The following CDH18 variants were observed in gnomAD, a reference collection of about 807,000 sequenced individuals.
CDH18 encodes the protein cadherin-18.
CDH18 carries 31 observed loss-of-function variants against 67.9 expected under a neutral mutation model. The ratio of observed to expected loss-of-function variants is 0.46; its 90% CI spans 0.34 to 0.62. The LOEUF (loss-of-function observed/expected upper bound fraction) is 0.62, where lower values mean the gene tolerates loss of function less well. Ranked by LOEUF, CDH18 falls within the 20% of genes least tolerant of loss-of-function variation. The pLI is 0.01. For missense variants in CDH18, 890 were observed against 975.5 expected, an observed-to-expected ratio of 0.91 and a Z score of 1.17; for synonymous variants, 362 against 347.2, an observed-to-expected ratio of 1.04 and a Z score of -0.48.
rs543703342 is a variant in CDH18, at chr5:19,837,414, T to A, written c.228+1345A>T. On this transcript the variant is annotated intron_variant, in intron 3 of 12. Coordinates refer to ENST00000382275, the MANE Select transcript of CDH18 (RefSeq NM_004934.5). The stretch of plus-strand genomic sequence containing the variant: ...CCAGAACTTAAAGGTATAATTTTTT[T>A]AAAAAAAAAAGGATTTTGAAGTTCA... 1.5e-3 allele frequency among the ~76,000 whole-genome samples: 229 copies of A among 148,596 alleles called. 1 individual carries two copies. Among genetic ancestry groups the A allele is most frequent in the Middle Eastern group, 0.011 (3 of 284 alleles).
intron 1 of CDH18, among the ~76,000 whole-genome samples, chr5:20,431,212 C>T (rs563854658): frequency 6.1e-4 from 93 of 152,088 alleles, no homozygotes; most frequent in African/African-American, 2.0e-3. Context: ...CCTCAGATGC[C>T]GGGTGCAGTA....
At chr5:19,969,333 C>T (rs1366403154) in intron 2 of CDH18, among the ~76,000 whole-genome samples, 6 of 142,862 alleles carry the variant, frequency 4.2e-5, no homozygotes, top group African/African-American at 1.5e-4. Context: ...ACCCAGCCAT[C>T]CCATTACTGG....
intron 4 of CDH18, 33 bp from the exon 5 acceptor site, chr5:19,721,499 G>T (rs781196818): frequency 6.3e-7 from 1 of 1,591,740 alleles, no homozygotes; most frequent in Non-Finnish European, 8.6e-7. Flanking sequence ...TTTAGTGTGT[G>T]ATGGCATTTA....
At position 20,078,419 on chromosome 5, in the gene CDH18, C is replaced by T. The variant is rs143310012; in HGVS notation, c.-517-86405G>A. 5.9e-3 allele frequency among the ~76,000 whole-genome samples: 897 copies of T among 151,910 alleles called. 17 individuals carry two copies. Among genetic ancestry groups the T allele is most frequent in the African/African-American group, 0.019 (805 of 41,462 alleles). On this transcript the variant is annotated intron_variant, in intron 2 of 14. Transcript: ENST00000507958. ...TAAAGGTTGCAGTAAGCCGAGATCA[C>T]GCCATTGCACTCCAGCCTGGGTGAC...
intron 1 of CDH18, among the ~76,000 whole-genome samples, chr5:20,326,242 A>G (rs896517778): frequency 2.6e-5 from 4 of 152,336 alleles, no homozygotes; most frequent in South Asian, 2.1e-4. Context: ...AAGTATACCA[A>G]TGACTCTAAT....
chr5:20,099,677 T>A (rs1322643918), intron 2 of CDH18, among the ~76,000 whole-genome samples: 7 of 152,156 alleles, frequency 4.6e-5, no homozygotes, highest in Non-Finnish European at 1.0e-4. Flanking sequence ...ACATATCAAA[T>A]AACAGGAATA....
At chr5:19,540,201 A>T (rs1750035517) in intron 9 of CDH18, among the ~76,000 whole-genome samples, 1 of 152,114 alleles carries the variant, frequency 6.6e-6, no homozygotes. Context: ...CAGGGCAGTC[A>T]AATCTTAAAG....
intron 5 of CDH18, among the ~76,000 whole-genome samples, chr5:19,704,332 T>C (rs1414283835): frequency 6.6e-6 from 1 of 152,160 alleles, no homozygotes; most frequent in Non-Finnish European, 1.5e-5. Context: ...TATATCAAAG[T>C]AGTTATATTT....
intron 2 of CDH18, among the ~76,000 whole-genome samples, chr5:20,195,990 T>C (rs1355464108): frequency 6.6e-6 from 1 of 152,140 alleles, no homozygotes. Flanking sequence ...CCTTCTACAA[T>C]ACCTGCTTTA....
chr5:19,935,846 ATG>A (rs767137896), intron 2 of CDH18, among the ~76,000 whole-genome samples: 17 of 141,098 alleles, frequency 1.2e-4, no homozygotes, highest in Non-Finnish European at 2.6e-4. Flanking sequence ...CTCTGTCCCA[ATG>A]TCTTCTCAAT....
At chr5:20,242,994 A>C (rs1054391363) in intron 2 of CDH18, among the ~76,000 whole-genome samples, 25 of 152,144 alleles carry the variant, frequency 1.6e-4, no homozygotes, top group African/African-American at 6.0e-4. Context: ...AATGGTTCAA[A>C]TACAATTCAT....
Position 19,750,445 on chromosome 5 carries a change from C to T in CDH18, c.229-3209G>A, listed in dbSNP as rs1017979548. Among the ~76,000 whole-genome samples, 6 of 151,928 alleles carry T rather than the reference C, an allele frequency of 3.9e-5. No individual in the cohort carries two copies. The East Asian group carries it at 5.8e-4, about 15-fold the overall frequency. ...AATAGGTGAATAATAAGGGTAGTTG[C>T]AGACACAGAAAACTTGACAAATGGA... On this transcript the variant is annotated intron_variant, in intron 3 of 12. Transcript: ENST00000382275.
At chr5:19,519,180 ATGTATTATGTC>A (rs1290975378) in intron 10 of CDH18, among the ~76,000 whole-genome samples, 1 of 152,142 alleles carries the variant, frequency 6.6e-6, no homozygotes, top group East Asian at 1.9e-4. Flanking sequence ...GCCCTTTTAA[ATGTATTATGTC>A]TAGAGTTTTT....
chr5:20,383,074 CT>C (rs1243639661), intron 1 of CDH18, among the ~76,000 whole-genome samples: 2 of 152,050 alleles, frequency 1.3e-5, no homozygotes, highest in Non-Finnish European at 2.9e-5. Flanking sequence ...TAAAAAAACT[CT>C]TGTTAAATGC....
intron 2 of CDH18, among the ~76,000 whole-genome samples, chr5:20,018,699 T>A (rs1738111614): frequency 6.6e-6 from 1 of 152,136 alleles, no homozygotes; most frequent in African/African-American, 2.4e-5. Context: ...TTGTTTCCTA[T>A]GGAATAAAAA....
chr5:19,946,321 G>T (rs1481645603), intron 2 of CDH18, among the ~76,000 whole-genome samples: 1 of 152,030 alleles, frequency 6.6e-6, no homozygotes, highest in African/African-American at 2.4e-5. Flanking sequence ...AAGATAATTT[G>T]CTCTCAGTAG....
At chr5:19,926,075 G>A (rs763640037) in intron 2 of CDH18, among the ~76,000 whole-genome samples, 11 of 151,852 alleles carry the variant, frequency 7.2e-5, no homozygotes, top group African/African-American at 1.9e-4. Context: ...TCTAAGCTAC[G>A]TGGTTCACCT....
intron 7 of CDH18, among the ~76,000 whole-genome samples, chr5:19,576,604 G>C (rs549688624): frequency 6.6e-6 from 1 of 152,102 alleles, no homozygotes; most frequent in East Asian, 1.9e-4. Context: ...ACAAGTATTG[G>C]CAAGGATGTG....
At position 20,472,973 on chromosome 5, in the gene CDH18, G is replaced by A. The variant is rs115648560; in HGVS notation, c.-580+102489C>T. ...TGGTTGAATAGTTGATATATTTTAAGCATCATAAGCAGTACATTACTTTAT... is the reference window on the plus strand; with the variant it reads ...TGGTTGAATAGTTGATATATTTTAAACATCATAAGCAGTACATTACTTTAT... On this transcript the variant is annotated intron_variant, in intron 1 of 14. Coordinates refer to the CDH18 transcript ENST00000507958. Among the ~76,000 whole-genome samples the A allele has an allele frequency of 2.5e-3, 377 of 152,192 alleles. 1 individual carries two copies. The highest frequency in any genetic ancestry group is 8.9e-3 in the African/African-American group (368 of 41,526).
Sources: gnomAD v4.1 joint callset for allele counts (sites outside exome capture counted in the v4.1 genomes callset) on GRCh38, gnomAD v4.1.1 for gene constraint, MANE v1.5 for transcripts, NCBI Gene and HGNC (gene_info 2026-07-23, HGNC 2026-07-21) for gene names.